Variants in PARD3 observed in about 807,000 individuals in gnomAD.
The protein encoded by PARD3 is par-3 family cell polarity regulator, also known as partitioning defective 3 homolog.
In PARD3, 75 loss-of-function variants were observed where a neutral mutation model predicts 155.4. The ratio of observed to expected loss-of-function variants is 0.48; its 90% confidence interval spans 0.40 to 0.58. The LOEUF (loss-of-function observed/expected upper bound fraction) is 0.58, where lower values mean the gene tolerates loss of function less well. PARD3 is among the 20% of genes least tolerant of loss of function. The probability of loss-of-function intolerance (pLI) is 0.00; values close to 1 mark genes in which losing one functional copy is unlikely to be tolerated. For synonymous variants in PARD3, 576 were observed against 610.5 expected, an observed-to-expected ratio of 0.94 and a Z score of 0.83; for missense variants, 1,642 against 1,721.7, an observed-to-expected ratio of 0.95 and a Z score of 0.82.
intron 15 of PARD3, among the ~76,000 whole-genome samples, chr10:34,342,913 C>T (rs1836989531): frequency 2.6e-5 from 4 of 152,120 alleles, no homozygotes; most frequent in African/African-American, 4.8e-5. Context: ...TTCAAATGCA[C>T]CCATTTTGAC....
At chr10:34,114,795 T>G (rs1278236557) in intron 24 of PARD3, among the ~76,000 whole-genome samples, 1 of 152,260 alleles carries the variant, frequency 6.6e-6, no homozygotes, top group Non-Finnish European at 1.5e-5. Context: ...CGGAAGCCCA[T>G]GTTCTTCCCA....
intron 1 of PARD3, among the ~76,000 whole-genome samples, chr10:34,701,534 C>T (rs1015479849): frequency 6.6e-6 from 1 of 152,172 alleles, no homozygotes; most frequent in Non-Finnish European, 1.5e-5. Context: ...AGCAGCAAGA[C>T]TTCCCCAACA....
intron 23 of PARD3, among the ~76,000 whole-genome samples, chr10:34,122,500 T>C (rs139423737): frequency 3.2e-4 from 48 of 152,304 alleles, no homozygotes; most frequent in Non-Finnish European, 5.9e-4. Context: ...GTGAATGAGT[T>C]TGGGATCAGC....
intron 1 of PARD3, among the ~76,000 whole-genome samples, chr10:34,728,737 T>G (rs772742298): frequency 2.6e-5 from 4 of 152,190 alleles, no homozygotes; most frequent in Non-Finnish European, 5.9e-5. Flanking sequence ...TACCTAGATG[T>G]AGCAGTCAAA....
chr10:34,542,783 T>C (rs2083740174), intron 2 of PARD3, among the ~76,000 whole-genome samples: 1 of 152,214 alleles, frequency 6.6e-6, no homozygotes, highest in Non-Finnish European at 1.5e-5. Flanking sequence ...CATTGTGTCA[T>C]ACAATTTTAA....
intron 2 of PARD3, among the ~76,000 whole-genome samples, chr10:34,624,181 G>A (rs950226849): frequency 4.1e-4 from 62 of 152,162 alleles, no homozygotes; most frequent in African/African-American, 1.3e-3. Context: ...GACTGCATGC[G>A]TCTCCCACGC....
chr10:34,168,062 T>C (rs765728772), intron 22 of PARD3, among the ~76,000 whole-genome samples: 8 of 152,160 alleles, frequency 5.3e-5, no homozygotes, highest in Non-Finnish European at 1.2e-4. Flanking sequence ...TTTTTTTCTT[T>C]TCTTCTTTTT....
chr10:34,522,950 G>A (rs992537106), intron 2 of PARD3, among the ~76,000 whole-genome samples: 1 of 152,150 alleles, frequency 6.6e-6, no homozygotes, highest in Non-Finnish European at 1.5e-5. Flanking sequence ...ACAGGGCACT[G>A]GCAGGCTACA....
intron 1 of PARD3, among the ~76,000 whole-genome samples, chr10:34,730,643 T>A (rs2133810644): frequency 6.6e-6 from 1 of 152,194 alleles, no homozygotes; most frequent in East Asian, 1.9e-4. Flanking sequence ...AAATTAGCCA[T>A]GTGTGATGAT....
At chr10:34,168,794 T>A (rs1265128090) in intron 22 of PARD3, among the ~76,000 whole-genome samples, 1 of 152,222 alleles carries the variant, frequency 6.6e-6, no homozygotes, top group African/African-American at 2.4e-5. Context: ...CACTTCTGTA[T>A]TTTCTTTCAT....
At chr10:34,790,725 CTAATG>C (rs1427551296) in intron 1 of PARD3, among the ~76,000 whole-genome samples, 1 of 152,134 alleles carries the variant, frequency 6.6e-6, no homozygotes, top group Non-Finnish European at 1.5e-5. Flanking sequence ...CAAATGTATC[CTAATG>C]TAAGTAGGGT....
chr10:34,558,070 G>C (rs974576954), intron 2 of PARD3, among the ~76,000 whole-genome samples: 1 of 151,990 alleles, frequency 6.6e-6, no homozygotes, highest in South Asian at 2.1e-4. Context: ...CTGGCTGTAT[G>C]TGCTAAGTAT....
At chr10:34,348,238 T>G in intron 14 of PARD3, 123 bp from the exon 15 acceptor site, 1 of 736,796 alleles carries the variant, frequency 1.4e-6, no homozygotes, top group Non-Finnish European at 2.0e-6. Context: ...GAACTAGAAC[T>G]TTTCACCCTG....
intron 1 of PARD3, among the ~76,000 whole-genome samples, chr10:34,775,199 C>T (rs939917291): frequency 3.3e-5 from 5 of 152,186 alleles, no homozygotes; most frequent in African/African-American, 1.2e-4. Flanking sequence ...AATTTATATA[C>T]TACTGAACCA....
chr10:34,395,373 T>A (rs1386167490), intron 7 of PARD3, among the ~76,000 whole-genome samples: 1 of 152,124 alleles, frequency 6.6e-6, no homozygotes, highest in Non-Finnish European at 1.5e-5. Flanking sequence ...TGAAATGATA[T>A]GGATGAAATA....
chr10:34,516,843 A>AT, intron 3 of PARD3, 136 bp downstream of exon 3: 2 of 772,960 alleles, frequency 2.6e-6, no homozygotes, highest in South Asian at 4.0e-5. Flanking sequence ...TGCAAAGAAC[A>AT]TTTGCCTGGG....
At chr10:34,500,705 G>T (rs2080634746) in intron 3 of PARD3, among the ~76,000 whole-genome samples, 1 of 152,166 alleles carries the variant, frequency 6.6e-6, no homozygotes, top group African/African-American at 2.4e-5. Flanking sequence ...TCACACCACT[G>T]CACTCCAGTC....
At chr10:34,627,747 A>G in intron 2 of PARD3, among the ~76,000 whole-genome samples, 1 of 152,184 alleles carries the variant, frequency 6.6e-6, no homozygotes, top group East Asian at 1.9e-4. Context: ...ACTGTGAGAC[A>G]ATGAGTTTCT....
chr10:34,429,672 G>A (rs1445667113), intron 5 of PARD3, among the ~76,000 whole-genome samples: 1 of 151,944 alleles, frequency 6.6e-6, no homozygotes, highest in Admixed American at 6.6e-5. Context: ...CACAACCTCC[G>A]CCTCCCGGGT....
Sources: gnomAD v4.1 joint callset for allele counts (sites outside exome capture counted in the v4.1 genomes callset) on GRCh38, gnomAD v4.1.1 for gene constraint, MANE v1.5 for transcripts, NCBI Gene and HGNC (gene_info 2026-07-23, HGNC 2026-07-21) for gene names.